EPHA3: variants seen among roughly 807,000 people sequenced by gnomAD.
The protein encoded by EPHA3 is ephrin type-A receptor 3.
In EPHA3, 42 loss-of-function variants were observed where a neutral mutation model predicts 107.1. The observed-to-expected ratio is 0.39, with a 90% CI of 0.31 to 0.51. The LOEUF (loss-of-function observed/expected upper bound fraction) is 0.51, where lower values mean the gene tolerates loss of function less well. Ranked by LOEUF, EPHA3 falls within the 20% of genes least tolerant of loss-of-function variation. The pLI, the probability that EPHA3 is intolerant of heterozygous loss-of-function variation, is 0.78. For missense variants in EPHA3, 1,183 were observed against 1,211.2 expected (o/e 0.98, Z 0.35); for synonymous variants, 461 against 424.8 (o/e 1.09, Z -1.05).
intron 9 of EPHA3, among the ~76,000 whole-genome samples, chr3:89,410,231 A>G (rs2107519265): frequency 6.6e-6 from 1 of 152,040 alleles, no homozygotes; most frequent in African/African-American, 2.4e-5. Context: ...AATTAATAGA[A>G]ATTAATAGGA....
rs111625123 is a variant in EPHA3 at position 89,319,216 on chromosome 3, T to C, written c.815-21700T>C. ...ACCTAATAACTTCTGGGGAGAAAGA[T>C]TGAGAGTAAGAGAGAGGAGGGAGAA... is the stretch of plus-strand genomic sequence containing the variant. On this transcript the variant is annotated intron_variant, in intron 3 of 16. Coordinates refer to ENST00000336596, the MANE Select transcript of EPHA3 (RefSeq NM_005233.6). Among the ~76,000 whole-genome samples, 772 of 151,960 alleles carry C rather than the reference T, an allele frequency of 5.1e-3. 6 individuals are homozygous for C. Among genetic ancestry groups the C allele is most frequent in the African/African-American group, 0.018 (741 of 41,492 alleles).
chr3:89,452,807 G>A (rs1360293536), intron 15 of EPHA3, among the ~76,000 whole-genome samples: 2 of 152,112 alleles, frequency 1.3e-5, no homozygotes, highest in Admixed American at 6.6e-5. Context: ...TTTCCTGCTA[G>A]AAGCTTTACA....
chr3:89,187,237 TA>T lies in EPHA3; in HGVS notation c.154-22621del, dbSNP rs1705588130. Among the ~76,000 whole-genome samples, 3 of 150,286 alleles carry T rather than the reference TA, an allele frequency of 2.0e-5. No homozygotes were observed. In the East Asian group the frequency reaches 5.8e-4, roughly 29 times the overall value. On this transcript the variant is annotated intron_variant, in intron 2 of 16. Coordinates refer to ENST00000336596, the MANE Select transcript of EPHA3 (RefSeq NM_005233.6). ...AAAGCAAACATATTTATAATATGCT[TA>T]ATGTATATTAATAAGTAATTAATAT...
intron 13 of EPHA3, among the ~76,000 whole-genome samples, chr3:89,446,742 C>G (rs1709884227): frequency 2.0e-5 from 3 of 150,500 alleles, no homozygotes; most frequent in Admixed American, 6.6e-5. Flanking sequence ...TTCACAATTT[C>G]AGTATTACTG....
chr3:89,399,200 C>A (rs1244254119), intron 6 of EPHA3, 118 bp from the exon 7 acceptor site: 2 of 945,016 alleles, frequency 2.1e-6, no homozygotes, highest in African/African-American at 1.7e-5. Context: ...CTTTTTAAAT[C>A]CATCCTATGA....
At chr3:89,133,629 C>T (rs1397096869) in intron 2 of EPHA3, among the ~76,000 whole-genome samples, 2 of 152,100 alleles carry the variant, frequency 1.3e-5, no homozygotes, top group East Asian at 3.9e-4. Flanking sequence ...AACTATGTAG[C>T]CCAATTTGTT....
chr3:89,286,016 C>T (rs1706073602), intron 3 of EPHA3, among the ~76,000 whole-genome samples: 1 of 151,958 alleles, frequency 6.6e-6, no homozygotes, highest in Non-Finnish European at 1.5e-5. Flanking sequence ...TTAGTTCAGT[C>T]CCTTGATACT....
chr3:89,199,693 A>G (rs1364855866), intron 2 of EPHA3, among the ~76,000 whole-genome samples: 1 of 152,174 alleles, frequency 6.6e-6, no homozygotes, highest in Non-Finnish European at 1.5e-5. Flanking sequence ...CAAAAATCTG[A>G]ATTATAAATT....
chr3:89,315,009 T>C (rs1343401929), intron 3 of EPHA3, among the ~76,000 whole-genome samples: 3 of 151,868 alleles, frequency 2.0e-5, no homozygotes, highest in Non-Finnish European at 4.4e-5. Context: ...TGGCACTGAT[T>C]AGTGTTAAGG....
chr3:89,399,796 G>A, intron 7 of EPHA3: 1 of 1,114,928 alleles, frequency 9.0e-7, no homozygotes, highest in Non-Finnish European at 1.1e-6. Flanking sequence ...TCCAGTGTCT[G>A]TCATTTCAGA....
rs796550208 is a variant in EPHA3, at chr3:89,208,482, G to GAAAGAAAGAA, written c.154-1377_154-1376insAAGAAAGAAA. ...AGAAAGAAAGAAAGAAAGAAAGAAA[G>GAAAGAAAGAA]AGAAAAAGAAAGGAGGGAGGGAGGG... On this transcript the variant is annotated intron_variant, in intron 2 of 16. Transcript: ENST00000336596. Among the ~76,000 whole-genome samples, 83 of 127,162 alleles carry GAAAGAAAGAA rather than the reference G, an allele frequency of 6.5e-4. 1 individual carries two copies. In the Middle Eastern group the frequency reaches 0.014, roughly 22 times the overall value. The allele number at this position is 127,162 out of a possible 152,430, so 83.4% of individuals were successfully genotyped here. A position where few individuals can be genotyped will look rare whatever the true frequency, so the allele number is the denominator to read the frequency against.
At chr3:89,222,264 T>C (rs1421067288) in intron 3 of EPHA3, among the ~76,000 whole-genome samples, 4 of 150,978 alleles carry the variant, frequency 2.6e-5, no homozygotes, top group African/African-American at 7.3e-5. Context: ...GAATGAATTT[T>C]GGACCTGGCT....
intron 3 of EPHA3, among the ~76,000 whole-genome samples, chr3:89,316,539 T>G (rs1706911442): frequency 7.8e-6 from 1 of 129,012 alleles, no homozygotes; most frequent in African/African-American, 3.0e-5. Context: ...TATATATATA[T>G]AGAAAAGGGT....
chr3:89,181,698 G>C (rs1349287364), intron 2 of EPHA3, among the ~76,000 whole-genome samples: 3 of 151,886 alleles, frequency 2.0e-5, no homozygotes, highest in Admixed American at 1.3e-4. Flanking sequence ...TGGGGGTATA[G>C]GGTATTTTTG....
At chr3:89,451,621 G>A (rs1709991468) in intron 15 of EPHA3, among the ~76,000 whole-genome samples, 1 of 152,046 alleles carries the variant, frequency 6.6e-6, no homozygotes, top group Non-Finnish European at 1.5e-5. Flanking sequence ...TCAATGGCTT[G>A]GACTTGTGAG....
intron 6 of EPHA3, among the ~76,000 whole-genome samples, chr3:89,397,865 G>T (rs1272358313): frequency 6.6e-6 from 1 of 152,150 alleles, no homozygotes; most frequent in South Asian, 2.1e-4. Context: ...TTACAGGCGT[G>T]AGCCACCACC....
At chr3:89,135,506 C>T (rs1449325894) in intron 2 of EPHA3, among the ~76,000 whole-genome samples, 2 of 151,848 alleles carry the variant, frequency 1.3e-5, no homozygotes, top group Non-Finnish European at 2.9e-5. Flanking sequence ...GAGCTAACAA[C>T]GATTTTTGTT....
intron 5 of EPHA3, among the ~76,000 whole-genome samples, chr3:89,372,587 A>G (rs1708329027): frequency 6.6e-6 from 1 of 151,778 alleles, no homozygotes; most frequent in Non-Finnish European, 1.5e-5. Flanking sequence ...TGAAAGAGAA[A>G]GGAAATCACA....
At chr3:89,429,529 TCA>T (rs1709521794) in intron 12 of EPHA3, among the ~76,000 whole-genome samples, 1 of 152,138 alleles carries the variant, frequency 6.6e-6, no homozygotes, top group Non-Finnish European at 1.5e-5. Context: ...AATTATTTAA[TCA>T]CAGTCTGATA....
Sources: gnomAD v4.1 joint callset for allele counts (sites outside exome capture counted in the v4.1 genomes callset) on GRCh38, gnomAD v4.1.1 for gene constraint, MANE v1.5 for transcripts, NCBI Gene and HGNC (gene_info 2026-07-23, HGNC 2026-07-21) for gene names.